The following TMEM132D variants were observed in gnomAD, a reference collection of about 807,000 sequenced individuals.
TMEM132D encodes transmembrane protein 132D, also known as mature OL transmembrane protein.
TMEM132D carries 21 observed loss-of-function variants against 62.3 expected under a neutral mutation model. The ratio of observed to expected loss-of-function variants is 0.34; its 90% CI spans 0.24 to 0.49. The LOEUF is 0.49. Ranked by LOEUF, TMEM132D falls within the 20% of genes least tolerant of loss-of-function variation. The probability of loss-of-function intolerance (pLI) is 0.99; values close to 1 mark genes in which losing one functional copy is unlikely to be tolerated. For synonymous variants in TMEM132D, 621 were observed against 575.6 expected (o/e 1.08, Z -1.13); for missense variants, 1,346 against 1,402.8 (o/e 0.96, Z 0.65).
intron 3 of TMEM132D, among the ~76,000 whole-genome samples, chr12:129,466,660 C>G (rs549110874): frequency 3.6e-4 from 55 of 152,218 alleles, no homozygotes; most frequent in African/African-American, 1.3e-3. Context: ...AGACACTGTT[C>G]GACAGGCACT....
chr12:129,351,984 C>T (rs181087832), intron 3 of TMEM132D, among the ~76,000 whole-genome samples: 5 of 152,266 alleles, frequency 3.3e-5, no homozygotes, highest in African/African-American at 1.2e-4. Flanking sequence ...GGATCCTCAT[C>T]CCTCTGCAAC....
chr12:129,756,578 G>A (rs1437104232), intron 1 of TMEM132D, among the ~76,000 whole-genome samples: 1 of 152,194 alleles, frequency 6.6e-6, no homozygotes, highest in African/African-American at 2.4e-5. Context: ...TTCGGAGGAT[G>A]CAAGAGTTCT....
At chr12:129,798,079 G>A (rs1871618278) in intron 1 of TMEM132D, among the ~76,000 whole-genome samples, 1 of 152,124 alleles carries the variant, frequency 6.6e-6, no homozygotes, top group Non-Finnish European at 1.5e-5. Flanking sequence ...TCTCTCGATT[G>A]CACTCTTGCC....
intron 5 of TMEM132D, among the ~76,000 whole-genome samples, chr12:129,117,677 C>A (rs770571925): frequency 1.1e-4 from 17 of 152,106 alleles, no homozygotes; most frequent in Non-Finnish European, 2.2e-4. Context: ...CTCAAAAAGA[C>A]CATTTGGCTC....
intron 3 of TMEM132D, among the ~76,000 whole-genome samples, chr12:129,501,120 G>C (rs988041223): frequency 6.6e-6 from 1 of 152,158 alleles, no homozygotes; most frequent in African/African-American, 2.4e-5. Context: ...CCAGGCTATA[G>C]AAAAAGGTGC....
chr12:129,337,190 G>A (rs1178852791), intron 4 of TMEM132D, among the ~76,000 whole-genome samples: 1 of 152,070 alleles, frequency 6.6e-6, no homozygotes, highest in African/African-American at 2.4e-5. Context: ...TTGGTGGTCT[G>A]GGGGACCAGG....
chr12:129,618,289 A>C (rs1190676344), intron 2 of TMEM132D, among the ~76,000 whole-genome samples: 1 of 152,232 alleles, frequency 6.6e-6, no homozygotes, highest in Non-Finnish European at 1.5e-5. Context: ...TAATATCTAA[A>C]ATCATTCTTA....
chr12:129,742,229 T>C (rs745602368), intron 1 of TMEM132D, among the ~76,000 whole-genome samples: 3 of 152,204 alleles, frequency 2.0e-5, no homozygotes, highest in Non-Finnish European at 4.4e-5. Flanking sequence ...GAGTAATTTA[T>C]AAAGAAAAGA....
intron 2 of TMEM132D, among the ~76,000 whole-genome samples, chr12:129,677,403 C>T (rs1451927144): frequency 1.3e-5 from 2 of 152,130 alleles, no homozygotes; most frequent in Non-Finnish European, 1.5e-5. Context: ...ACTGGGAGTC[C>T]AATTAAACCT....
intron 5 of TMEM132D, among the ~76,000 whole-genome samples, chr12:129,117,227 CTA>C (rs1875919631): frequency 6.6e-6 from 1 of 151,040 alleles, no homozygotes; most frequent in Admixed American, 6.6e-5. Context: ...AGAGGTAAAA[CTA>C]TAGAAACATT....
chr12:129,903,848 G>A lies in TMEM132D; in HGVS notation c.-509C>T, dbSNP rs1384105804. Among the ~76,000 whole-genome samples, 1 of 146,692 alleles carries A rather than the reference G, an allele frequency of 6.8e-6. No homozygotes were observed. Among genetic ancestry groups the A allele is most frequent in the African/African-American group, 2.4e-5 (1 of 40,870 alleles). ...GGTGGCCGGGCTCGCTGGGCGGCCC[G>A]GGGCTCCCTGGCCCGCAGCCCCCAT... On this transcript the variant is annotated 5_prime_UTR_variant, in exon 1 of 9. Coordinates refer to ENST00000422113, the MANE Select transcript of TMEM132D (RefSeq NM_133448.3). This position sits in a 1 kb window ranked among gnomAD's most constrained non-coding sequence, Gnocchi z 6.2.
At chr12:129,540,394 C>T (rs1331859263) in intron 2 of TMEM132D, among the ~76,000 whole-genome samples, 1 of 152,140 alleles carries the variant, frequency 6.6e-6, no homozygotes, top group Non-Finnish European at 1.5e-5. Flanking sequence ...AATAATAATC[C>T]GTGGCTATAA....
At chr12:129,615,844 A>G (rs1309454140) in intron 2 of TMEM132D, among the ~76,000 whole-genome samples, 1 of 151,398 alleles carries the variant, frequency 6.6e-6, no homozygotes, top group Non-Finnish European at 1.5e-5. Context: ...ATAAAATAAA[A>G]TAAGATAGCT....
At chr12:129,292,803 GGAGA>G (rs1316572032) in intron 4 of TMEM132D, among the ~76,000 whole-genome samples, 6 of 152,176 alleles carry the variant, frequency 3.9e-5, no homozygotes, top group Non-Finnish European at 8.8e-5. Context: ...AATGAAAAAA[GGAGA>G]GAAAGACCTT....
intron 1 of TMEM132D, among the ~76,000 whole-genome samples, chr12:129,829,922 A>G (rs1872778127): frequency 6.6e-6 from 1 of 152,206 alleles, no homozygotes; most frequent in African/African-American, 2.4e-5. Context: ...ATCTCCAGCT[A>G]AAACCTCAGG....
At chr12:129,850,077 G>A (rs936945887) in intron 1 of TMEM132D, among the ~76,000 whole-genome samples, 1 of 152,248 alleles carries the variant, frequency 6.6e-6, no homozygotes, top group African/African-American at 2.4e-5. Context: ...TGAAAACTAT[G>A]ATCCTAGACT....
chr12:129,338,371 C>T (rs1375863724), intron 3 of TMEM132D, among the ~76,000 whole-genome samples: 2 of 152,162 alleles, frequency 1.3e-5, no homozygotes, highest in East Asian at 3.9e-4. Flanking sequence ...ATGGAGAAGT[C>T]ACCAGATATT....
intron 1 of TMEM132D, among the ~76,000 whole-genome samples, chr12:129,895,997 G>T (rs1680778254): frequency 1.4e-5 from 2 of 147,208 alleles, no homozygotes; most frequent in South Asian, 4.4e-4. Context: ...TGGAGACAGG[G>T]TCTCACTCTG....
chr12:129,168,097 G>A (rs1001599464), intron 5 of TMEM132D, among the ~76,000 whole-genome samples: 7 of 152,152 alleles, frequency 4.6e-5, no homozygotes, highest in Non-Finnish European at 7.3e-5. Context: ...TTAATAGAAG[G>A]AACAGTCATG....
Sources: gnomAD v4.1 joint callset for allele counts (sites outside exome capture counted in the v4.1 genomes callset) on GRCh38, gnomAD v4.1.1 for gene constraint, Gnocchi (gnomAD v3.1) non-coding constraint, MANE v1.5 for transcripts, NCBI Gene and HGNC (gene_info 2026-07-23, HGNC 2026-07-21) for gene names.